Variants in ANK3 observed in about 807,000 individuals in gnomAD.
The protein encoded by ANK3 is ankyrin-3.
A neutral mutation model predicts 370.9 loss-of-function variants in ANK3; 57 were observed. The ratio of observed to expected loss-of-function variants is 0.15; its 90% CI spans 0.12 to 0.19. The LOEUF (loss-of-function observed/expected upper bound fraction) is 0.19. Ranked by LOEUF, ANK3 falls within the 10% of genes least tolerant of loss-of-function variation. ANK3 has a pLI of 1.00. For missense variants in ANK3, 4,439 were observed against 5,302.1 expected, an observed-to-expected ratio of 0.84 and a Z score of 5.06; for synonymous variants, 1,929 against 1,946.3, an observed-to-expected ratio of 0.99 and a Z score of 0.23.
intron 1 of ANK3, among the ~76,000 whole-genome samples, chr10:60,642,637 T>G (rs1243447330): frequency 6.5e-4 from 94 of 144,686 alleles, no homozygotes; most frequent in Admixed American, 1.6e-3. Flanking sequence ...TGTTGTGGGG[T>G]GGGGGGGCGA....
chr10:60,528,817 C>G (rs993994240), intron 2 of ANK3, among the ~76,000 whole-genome samples: 1 of 152,022 alleles, frequency 6.6e-6, no homozygotes, highest in Admixed American at 6.6e-5. Context: ...CAGTTGTCCC[C>G]TGGGGGACAA....
At chr10:60,507,449 T>C (rs986389047) in intron 2 of ANK3, 4 of 152,036 alleles carry the variant, frequency 2.6e-5, no homozygotes, top group African/African-American at 9.7e-5. Flanking sequence ...TTATCCCAGA[T>C]GAAGCTATAA....
At chr10:60,188,400 T>C (rs565037199) in intron 16 of ANK3, among the ~76,000 whole-genome samples, 6 of 152,246 alleles carry the variant, frequency 3.9e-5, no homozygotes, top group South Asian at 2.1e-4. Context: ...GTATGTAAAA[T>C]ATGCTAATGA....
At chr10:60,149,143 C>T (rs922570469) in intron 23 of ANK3, among the ~76,000 whole-genome samples, 2 of 152,200 alleles carry the variant, frequency 1.3e-5, no homozygotes, top group Non-Finnish European at 2.9e-5. Context: ...AACCTATACC[C>T]CAGAGATGTG....
At chr10:60,251,314 G>T (rs373659507) in intron 7 of ANK3, among the ~76,000 whole-genome samples, 1 of 152,134 alleles carries the variant, frequency 6.6e-6, no homozygotes, top group Non-Finnish European at 1.5e-5. Context: ...TTTCTGAGGA[G>T]CATCTCAGAC....
At chr10:60,057,012 CA>C (rs563140673) in intron 41 of ANK3, among the ~76,000 whole-genome samples, 4 of 152,160 alleles carry the variant, frequency 2.6e-5, no homozygotes, top group Admixed American at 1.3e-4. Context: ...GCCCTGTCTC[CA>C]AAAAAGAACA....
intron 42 of ANK3, among the ~76,000 whole-genome samples, chr10:60,049,211 C>G (rs548828238): frequency 6.6e-6 from 1 of 152,294 alleles, no homozygotes; most frequent in African/African-American, 2.4e-5. Flanking sequence ...GTGAATGATC[C>G]TATTGTTTAT....
At chr10:60,586,760 T>G (rs750881422) in intron 2 of ANK3, among the ~76,000 whole-genome samples, 25 of 152,198 alleles carry the variant, frequency 1.6e-4, no homozygotes, top group Non-Finnish European at 2.9e-4. Flanking sequence ...TTCTCACTAA[T>G]AAAAAGTAGA....
intron 1 of ANK3, among the ~76,000 whole-genome samples, chr10:60,285,273 A>G (rs2098227577): frequency 6.6e-6 from 1 of 152,208 alleles, no homozygotes; most frequent in African/African-American, 2.4e-5. Flanking sequence ...TAGGCACTCA[A>G]TTAAATAGAT....
At chr10:60,431,799 T>A (rs1361906800) in intron 2 of ANK3, among the ~76,000 whole-genome samples, 2 of 152,106 alleles carry the variant, frequency 1.3e-5, no homozygotes, top group African/African-American at 4.8e-5. Flanking sequence ...AAGTATAATT[T>A]AAAAAATGTA....
chr10:60,304,320 T>C (rs2044489578), intron 1 of ANK3, among the ~76,000 whole-genome samples: 1 of 152,004 alleles, frequency 6.6e-6, no homozygotes, highest in Admixed American at 6.6e-5. Context: ...TTAATTAGCT[T>C]GACTGTGATT....
chr10:60,243,147 T>C (rs1358411774), intron 7 of ANK3, among the ~76,000 whole-genome samples: 2 of 152,210 alleles, frequency 1.3e-5, no homozygotes, highest in African/African-American at 4.8e-5. Flanking sequence ...TGCCCCATAC[T>C]AGCTAATTAA....
At chr10:60,404,384 T>C (rs1192811908) in intron 2 of ANK3, among the ~76,000 whole-genome samples, 1 of 152,160 alleles carries the variant, frequency 6.6e-6, no homozygotes, top group African/African-American at 2.4e-5. Flanking sequence ...AGTATGGTAC[T>C]GGCATTAAGA....
intron 1 of ANK3, among the ~76,000 whole-genome samples, chr10:60,294,936 G>A (rs180700335): frequency 1.3e-5 from 2 of 152,228 alleles, no homozygotes; most frequent in Admixed American, 6.5e-5. Flanking sequence ...AAGGAAGGAC[G>A]TTATTTTCTA....
At chr10:60,538,655 A>C (rs904352924) in intron 2 of ANK3, among the ~76,000 whole-genome samples, 5 of 151,918 alleles carry the variant, frequency 3.3e-5, no homozygotes, top group African/African-American at 1.2e-4. Context: ...GCTCACACAC[A>C]TTTAACATAC....
chr10:60,520,696 T>C (rs374235763), intron 2 of ANK3, among the ~76,000 whole-genome samples: 1 of 152,142 alleles, frequency 6.6e-6, no homozygotes, highest in South Asian at 2.1e-4. Flanking sequence ...TTTGTATTAC[T>C]CCCTAGAGTA....
Position 60,186,742 on chromosome 10 carries a change from T to G in ANK3, c.2058A>C (p.Arg686Ser). 6.2e-7 allele frequency: 1 copy of G among 1,614,064 alleles called. No individual in the cohort carries two copies. Among genetic ancestry groups the G allele is most frequent in the Non-Finnish European group, 8.5e-7 (1 of 1,179,976 alleles). ...HVDMVSLLLG[R>S]NANVNLSNKS... ...TATTGCTCAGGTTCACATTCGCATT[T>G]CTACCGAGGAGCAGCGACACCATGT... is the stretch of plus-strand genomic sequence containing the variant. The change falls in exon 17 of 44, where the codon AGA becomes AGC. Residue 686 changes from arginine to serine, a missense_variant. Around this residue, in one of 13 missense-constraint regions of ANK3, gnomAD observed 192 missense variants for 192.1 expected, o/e 1.00. Coordinates refer to ENST00000280772, the MANE Select transcript of ANK3 (RefSeq NM_020987.5).
chr10:60,281,467 C>A (rs1343733662), intron 1 of ANK3, among the ~76,000 whole-genome samples: 1 of 152,132 alleles, frequency 6.6e-6, no homozygotes, highest in Non-Finnish European at 1.5e-5. Context: ...AAACAGTAAC[C>A]CAACTTACAT....
In ANK3 at chr10:60,263,897, C is replaced by T. The variant is rs2132649247; in HGVS notation, c.637G>A (p.Asp213Asn). 6.2e-7 allele frequency: 1 copy of T among 1,614,110 alleles called. No individual in the cohort carries two copies. Among genetic ancestry groups the T allele is most frequent in the Non-Finnish European group, 8.5e-7 (1 of 1,180,018 alleles). ...AGCAGGGCGGCGGCTTTCGTGTCGT[C>T]TTTTCGGGCCGCGATATGAAGAGCT... ...LPALHIAARK[D>N]DTKAAALLLQ... is the part of the protein sequence containing the mutation. The change falls in exon 6 of 44, where the codon GAC becomes AAC. Residue 213 changes from aspartate to asparagine, a missense_variant. Asp to Asn is a conservative substitution (Grantham distance 23). Transcript: ENST00000280772.
Sources: gnomAD v4.1 joint callset for allele counts (sites outside exome capture counted in the v4.1 genomes callset) on GRCh38, gnomAD v4.1.1 for gene constraint, gnomAD v4.1.1 regional missense constraint, MANE v1.5 for transcripts, NCBI Gene and HGNC (gene_info 2026-07-23, HGNC 2026-07-21) for gene names.